Variants in RFX4 observed in about 807,000 individuals in gnomAD.
RFX4 encodes the protein transcription factor RFX4.
RFX4 carries 10 observed loss-of-function variants against 95.0 expected under a neutral mutation model. That is an observed-to-expected ratio of 0.11 (90% CI 0.06 to 0.18). The LOEUF (loss-of-function observed/expected upper bound fraction) is 0.18, where lower values mean the gene tolerates loss of function less well. Among genes scored for constraint, RFX4 ranks in the 10% least tolerant of loss-of-function variants. The pLI is 1.00. For synonymous variants in RFX4, 321 were observed against 340.7 expected (o/e 0.94, Z 0.64); for missense variants, 640 against 922.0 (o/e 0.69, Z 3.96).
chr12:106,724,767 A>G (rs1278588619), intron 13 of RFX4, among the ~76,000 whole-genome samples: 2 of 152,194 alleles, frequency 1.3e-5, no homozygotes, highest in Admixed American at 6.5e-5. Context: ...CACACCTGTA[A>G]TCCTAGCACT....
At chr12:106,634,102 T>C (rs1386285946) in intron 2 of RFX4, among the ~76,000 whole-genome samples, 1 of 152,224 alleles carries the variant, frequency 6.6e-6, no homozygotes, top group Non-Finnish European at 1.5e-5. Flanking sequence ...TAACAGTTGT[T>C]CCCTCTGTTG....
At chr12:106,681,515 C>G (rs542291978) in intron 4 of RFX4, among the ~76,000 whole-genome samples, 2 of 152,288 alleles carry the variant, frequency 1.3e-5, no homozygotes, top group East Asian at 3.9e-4. Flanking sequence ...AAAGGCCCCC[C>G]ATGGGGAGCA....
chr12:106,645,633 G>A (rs985376564), intron 3 of RFX4, among the ~76,000 whole-genome samples: 2 of 152,186 alleles, frequency 1.3e-5, no homozygotes, highest in African/African-American at 4.8e-5. Flanking sequence ...TGTTCTGGAA[G>A]GTCATAGGTA....
chr12:106,760,825 T>C, intron 17 of RFX4, among the ~76,000 whole-genome samples: 1 of 151,704 alleles, frequency 6.6e-6, no homozygotes, highest in Admixed American at 6.5e-5. Flanking sequence ...TGTACATCCA[T>C]ATTTATTTAT....
intron 4 of RFX4, among the ~76,000 whole-genome samples, chr12:106,673,470 G>A (rs1452404638): frequency 2.0e-5 from 3 of 152,234 alleles, no homozygotes; most frequent in Non-Finnish European, 2.9e-5. Context: ...AGCTGAGCGA[G>A]TGTTATGATC....
chr12:106,681,819 G>T (rs1438611035), intron 4 of RFX4, among the ~76,000 whole-genome samples, 174 bp from the exon 5 acceptor site: 3 of 152,102 alleles, frequency 2.0e-5, no homozygotes, highest in Non-Finnish European at 4.4e-5. Flanking sequence ...AACCATCCAA[G>T]CACTCCCCAC....
rs575794202 is a variant in RFX4, at chr12:106,749,297, T to C, written c.1797-1358T>C. Among the ~76,000 whole-genome samples, 8 of 146,936 alleles carry C rather than the reference T, an allele frequency of 5.4e-5. No homozygotes were observed. The South Asian group carries it at 1.7e-3, about 32-fold the overall frequency. Reference sequence around the variant, plus strand: ...AAAAAAGAGAGCTCCTACCATGTGGTGCAGTGGGCCTCACCACTCACAGGC... The same window carrying C: ...AAAAAAGAGAGCTCCTACCATGTGGCGCAGTGGGCCTCACCACTCACAGGC... On this transcript the variant is annotated intron_variant, in intron 16 of 17. Transcript: ENST00000392842.
Position 106,750,935 on chromosome 12 carries a change from TATTTA to T in RFX4, c.1935+143_1935+147del, listed in dbSNP as rs1159826415. ...AGAGGACAGTCTTTATTTATTTATT[TATTTA>T]TTTTTATTATTATACTTTAAGTTTT... is the stretch of plus-strand genomic sequence containing the variant. On this transcript the variant is annotated intron_variant, in intron 17 of 17. Transcript: ENST00000392842. The T allele has an allele frequency of 1.9e-5, 13 of 681,224 alleles. No individual in the cohort carries two copies. The Admixed American group carries it at 4.5e-4, about 24-fold the overall frequency. The allele number at this position is 681,224 out of a possible 1,614,324, so 42.2% of individuals were successfully genotyped here. A position where few individuals can be genotyped will look rare whatever the true frequency, so the allele number is the denominator to read the frequency against.
chr12:106,702,248 G>A (rs2042006337), intron 8 of RFX4, among the ~76,000 whole-genome samples: 1 of 151,954 alleles, frequency 6.6e-6, no homozygotes. Flanking sequence ...ATTTTTATTG[G>A]CTGCCAAACA....
At chr12:106,717,529 T>C (rs528676030) in intron 11 of RFX4, among the ~76,000 whole-genome samples, 134 of 152,322 alleles carry the variant, frequency 8.8e-4, no homozygotes, top group Middle Eastern at 6.8e-3. Context: ...AAAGCTGTGA[T>C]TGCATTCTTC....
In RFX4 at chr12:106,760,525, T is replaced by G. The variant is rs372334568; in HGVS notation, c.1936-672T>G. 5.3e-5 allele frequency among the ~76,000 whole-genome samples: 8 copies of G among 152,168 alleles called. No homozygotes were observed. In the East Asian group the frequency reaches 9.7e-4, roughly 18 times the overall value. ...GTTTCTCTTGACTCCTTCCTCCACATTCACACCAAGCCCAATTCCTATTCA... is the reference window on the plus strand; with the variant it reads ...GTTTCTCTTGACTCCTTCCTCCACAGTCACACCAAGCCCAATTCCTATTCA... On this transcript the variant is annotated intron_variant, in intron 17 of 17. Transcript: ENST00000392842.
intron 15 of RFX4, among the ~76,000 whole-genome samples, chr12:106,743,762 T>C (rs2042847250): frequency 6.6e-6 from 1 of 152,126 alleles, no homozygotes; most frequent in Non-Finnish European, 1.5e-5. Context: ...TTCTTCCCAC[T>C]GCTTGGAAAA....
chr12:106,689,508 A>T (rs1458796629), intron 7 of RFX4, 144 bp downstream of exon 7: 2 of 684,448 alleles, frequency 2.9e-6, no homozygotes, highest in Non-Finnish European at 5.3e-6. Context: ...CATCCTCATG[A>T]GATCCCATGA....
chr12:106,686,097 C>T (rs1052917228), intron 5 of RFX4, among the ~76,000 whole-genome samples: 12 of 152,186 alleles, frequency 7.9e-5, no homozygotes, highest in African/African-American at 2.7e-4. Context: ...TTCTTTGAGA[C>T]TACCATTTAT....
chr12:106,685,448 C>T (rs188587802), intron 5 of RFX4, among the ~76,000 whole-genome samples: 2 of 152,146 alleles, frequency 1.3e-5, no homozygotes, highest in Admixed American at 1.3e-4. Flanking sequence ...TTAATTCTAG[C>T]TTTATGGGGA....
Position 106,637,634 on chromosome 12 carries a change from G to A in RFX4, c.131-1698G>A, listed in dbSNP as rs73389498. Among the ~76,000 whole-genome samples the A allele has an allele frequency of 5.0e-3, 760 of 151,900 alleles. 8 individuals carry two copies. The highest frequency in any genetic ancestry group is 0.017 in the African/African-American group (707 of 41,336). ...TCTTGGGCCAAATTTTGTGGGTCAGGGAATTTTATGTTGACTGTTCCTATC... is the reference window on the plus strand; with the variant it reads ...TCTTGGGCCAAATTTTGTGGGTCAGAGAATTTTATGTTGACTGTTCCTATC... On this transcript the variant is annotated intron_variant, in intron 2 of 17. Coordinates refer to ENST00000392842, the MANE Select transcript of RFX4 (RefSeq NM_213594.3).
At chr12:106,732,864 C>T in intron 14 of RFX4, 60 bp from the exon 15 acceptor site, 1 of 1,532,080 alleles carries the variant, frequency 6.5e-7, no homozygotes, top group Non-Finnish European at 9.0e-7. Flanking sequence ...TTTTTAAAGT[C>T]TTTTAGAGAC....
At chr12:106,705,520 T>C (rs1268939496) in intron 8 of RFX4, among the ~76,000 whole-genome samples, 2 of 152,196 alleles carry the variant, frequency 1.3e-5, no homozygotes, top group African/African-American at 4.8e-5. Context: ...GCATAGATGC[T>C]GCAGGAGATG....
intron 15 of RFX4, among the ~76,000 whole-genome samples, chr12:106,740,989 T>C (rs1429011978): frequency 6.6e-6 from 1 of 152,022 alleles, no homozygotes; most frequent in Non-Finnish European, 1.5e-5. Flanking sequence ...GTATAATAAA[T>C]AAGGAAGAGA....
Sources: allele counts gnomAD v4.1 joint callset (sites outside exome capture counted in the v4.1 genomes callset), GRCh38; gene constraint gnomAD v4.1.1; transcripts MANE v1.5; gene names NCBI Gene and HGNC (gene_info 2026-07-23, HGNC 2026-07-21).